Variants in PEAK1 observed in about 807,000 individuals in gnomAD.
The protein encoded by PEAK1 is pseudopodium enriched atypical kinase 1.
Under a neutral mutation model 124.7 loss-of-function variants are expected in PEAK1, and 54 were observed. The ratio of observed to expected loss-of-function variants is 0.43; its 90% CI spans 0.35 to 0.54. The LOEUF (loss-of-function observed/expected upper bound fraction) is 0.54, where lower values mean the gene tolerates loss of function less well. Among genes scored for constraint, PEAK1 ranks in the 20% least tolerant of loss-of-function variants. PEAK1 has a pLI of 0.01. For synonymous variants in PEAK1, 719 were observed against 760.0 expected (o/e 0.95, Z 0.89); for missense variants, 2,046 against 2,134.5 (o/e 0.96, Z 0.82).
At chr15:77,392,684 T>C (rs1343102989) in intron 1 of PEAK1, among the ~76,000 whole-genome samples, 1 of 152,146 alleles carries the variant, frequency 6.6e-6, no homozygotes, top group Non-Finnish European at 1.5e-5. Context: ...CTGCTCTCAT[T>C]CATCAAAAAA....
At chr15:77,418,971 G>A in intron 1 of PEAK1, 1 of 985,112 alleles carries the variant, frequency 1.0e-6, no homozygotes, top group South Asian at 4.7e-5. Flanking sequence ...AAGTCTCTAA[G>A]TATTTAATTC....
intron 6 of PEAK1, among the ~76,000 whole-genome samples, chr15:77,239,353 G>A (rs2060258520): frequency 6.6e-6 from 1 of 152,112 alleles, no homozygotes; most frequent in African/African-American, 2.4e-5. Flanking sequence ...ACAAGGGTAA[G>A]AAACACTGGT....
chr15:77,279,069 C>A, intron 5 of PEAK1, among the ~76,000 whole-genome samples: 1 of 151,136 alleles, frequency 6.6e-6, no homozygotes, highest in Non-Finnish European at 1.5e-5. Context: ...CTCAAGTGAA[C>A]CGGCTGCCTC....
intron 7 of PEAK1, among the ~76,000 whole-genome samples, chr15:77,163,126 T>C (rs943358349): frequency 2.0e-5 from 3 of 152,224 alleles, no homozygotes; most frequent in African/African-American, 7.2e-5. Flanking sequence ...GCCTACTTTT[T>C]GTCCTGAACC....
At chr15:77,151,285 G>C (rs1166437883) in intron 8 of PEAK1, among the ~76,000 whole-genome samples, 4 of 151,524 alleles carry the variant, frequency 2.6e-5, no homozygotes, top group South Asian at 4.2e-4. Context: ...ATTTTTTCAT[G>C]TGTCTTTTGG....
intron 8 of PEAK1, among the ~76,000 whole-genome samples, chr15:77,134,075 C>T (rs937853911): frequency 2.6e-5 from 4 of 152,072 alleles, no homozygotes; most frequent in African/African-American, 7.3e-5. Flanking sequence ...ATTCACCACA[C>T]CAGAATATTA....
At chr15:77,174,306 A>G (rs1334742196) in intron 7 of PEAK1, among the ~76,000 whole-genome samples, 1 of 152,132 alleles carries the variant, frequency 6.6e-6, no homozygotes, top group African/African-American at 2.4e-5. Flanking sequence ...CATTCCTTAT[A>G]TACAGTTTAG....
At chr15:77,343,513 G>A (rs2066676005) in intron 2 of PEAK1, among the ~76,000 whole-genome samples, 1 of 129,444 alleles carries the variant, frequency 7.7e-6, no homozygotes, top group Admixed American at 8.9e-5. Context: ...TTGAGACGGA[G>A]TCTCGCTCCG....
chr15:77,393,272 A>G (rs1257899629), intron 1 of PEAK1, among the ~76,000 whole-genome samples: 1 of 152,180 alleles, frequency 6.6e-6, no homozygotes, highest in Non-Finnish European at 1.5e-5. Flanking sequence ...GGAGTACACA[A>G]CCTAGTGAGA....
Position 77,111,250 on chromosome 15 carries a change from T to A in PEAK1, c.*2906A>T, listed in dbSNP as rs964351032. ...ACACATAGATATATAAATGTGTGTGTATGTGTCTACAGAGGGTAGGATTTC... is the reference window on the plus strand; with the variant it reads ...ACACATAGATATATAAATGTGTGTGAATGTGTCTACAGAGGGTAGGATTTC... On this transcript the variant is annotated 3_prime_UTR_variant, in exon 10 of 10. Coordinates refer to ENST00000682557, the MANE Select transcript of PEAK1 (RefSeq NM_001385026.1). 4 of 152,242 alleles carry A rather than the reference T, an allele frequency of 2.6e-5. No individual in the cohort carries two copies. The highest frequency in any genetic ancestry group is 5.9e-5 in the Non-Finnish European group (4 of 68,048). The allele number at this position is 152,242 out of a possible 1,614,324, so 9.4% of individuals were successfully genotyped here.
chr15:77,378,209 C>T (rs62007262), intron 1 of PEAK1, among the ~76,000 whole-genome samples: 7,723 of 54,610 alleles, frequency 0.14, 579 homozygotes, highest in African/African-American at 0.25. Context: ...TATATATATA[C>T]ATAATCCCAT....
chr15:77,255,125 A>G (rs1452629952), intron 5 of PEAK1, among the ~76,000 whole-genome samples: 1 of 152,184 alleles, frequency 6.6e-6, no homozygotes, highest in African/African-American at 2.4e-5. Context: ...GGAGTACCTA[A>G]TGCTCCTAGA....
chr15:77,256,267 C>G (rs1470616919), intron 5 of PEAK1, among the ~76,000 whole-genome samples: 1 of 152,124 alleles, frequency 6.6e-6, no homozygotes, highest in Non-Finnish European at 1.5e-5. Flanking sequence ...AGCCTCAACT[C>G]CCCAACTGGC....
chr15:77,145,727 T>C (rs980813848), intron 8 of PEAK1, among the ~76,000 whole-genome samples: 4 of 152,172 alleles, frequency 2.6e-5, no homozygotes, highest in African/African-American at 7.2e-5. Flanking sequence ...AAGTAAAAGA[T>C]ATGCCTTTTG....
chr15:77,419,202 G>A (rs1439049767), intron 1 of PEAK1: 5 of 985,206 alleles, frequency 5.1e-6, no homozygotes, highest in Non-Finnish European at 2.4e-6. Context: ...CCAGAGGCAG[G>A]CGGGGGAGGA....
chr15:77,314,010 G>GTA (rs1197486447), intron 2 of PEAK1, among the ~76,000 whole-genome samples: 5 of 152,082 alleles, frequency 3.3e-5, no homozygotes. Context: ...CATGCTGACA[G>GTA]TATATACCCT....
At chr15:77,334,165 G>C in intron 2 of PEAK1, 1 of 962,526 alleles carries the variant, frequency 1.0e-6, no homozygotes, top group Non-Finnish European at 1.2e-6. Context: ...TTTCCAACTA[G>C]GTATTCCTTG....
chr15:77,191,177 T>A (rs1322219465), intron 6 of PEAK1, among the ~76,000 whole-genome samples: 1 of 152,228 alleles, frequency 6.6e-6, no homozygotes. Context: ...CTTGTGATCT[T>A]ATTCACATTA....
intron 1 of PEAK1, among the ~76,000 whole-genome samples, chr15:77,369,699 A>G (rs2068512817): frequency 6.7e-6 from 1 of 149,058 alleles, no homozygotes; most frequent in Admixed American, 6.6e-5. Context: ...TGGATGAAAC[A>G]GGTCTTAGTG....
Sources: allele counts gnomAD v4.1 joint callset (sites outside exome capture counted in the v4.1 genomes callset), GRCh38; gene constraint gnomAD v4.1.1; transcripts MANE v1.5; gene names NCBI Gene and HGNC (gene_info 2026-07-23, HGNC 2026-07-21).